The following AP2B1 variants were observed in gnomAD, a reference collection of about 807,000 sequenced individuals.
AP2B1 encodes AP-2 complex subunit beta.
A neutral mutation model predicts 102.0 loss-of-function variants in AP2B1; 23 were observed. The ratio of observed to expected loss-of-function variants is 0.23; its 90% confidence interval spans 0.16 to 0.32. The LOEUF (loss-of-function observed/expected upper bound fraction) is 0.32, where lower values mean the gene tolerates loss of function less well. AP2B1 is among the 10% of genes least tolerant of loss of function. AP2B1 has a pLI of 1.00. For missense variants in AP2B1, 541 were observed against 1,157.4 expected, an observed-to-expected ratio of 0.47 and a Z score of 7.73; for synonymous variants, 381 against 421.2, an observed-to-expected ratio of 0.90 and a Z score of 1.17.
chr17:35,718,324 G>C (rs1477003389), intron 21 of AP2B1, among the ~76,000 whole-genome samples: 8 of 103,910 alleles, frequency 7.7e-5, no homozygotes, highest in African/African-American at 2.7e-4. Flanking sequence ...GTGTGTGTGT[G>C]TGTGTGTGTG....
intron 18 of AP2B1, among the ~76,000 whole-genome samples, chr17:35,700,992 ATCT>A (rs1303826079): frequency 1.3e-5 from 2 of 152,178 alleles, no homozygotes; most frequent in East Asian, 3.8e-4. Flanking sequence ...GGGTTAGGTA[ATCT>A]TCTTGGTACC....
At chr17:35,618,406 A>T (rs190011838) in intron 5 of AP2B1, among the ~76,000 whole-genome samples, 3 of 152,370 alleles carry the variant, frequency 2.0e-5, no homozygotes, top group African/African-American at 4.8e-5. Context: ...TCAAGTCTTC[A>T]GGGATACCAG....
intron 9 of AP2B1, among the ~76,000 whole-genome samples, chr17:35,633,622 C>T (rs2074525733): frequency 6.6e-6 from 1 of 152,142 alleles, no homozygotes; most frequent in Non-Finnish European, 1.5e-5. Flanking sequence ...TATCTTCTCC[C>T]TCTTCCTCTT....
In AP2B1 at chr17:35,674,196, G is replaced by A. The variant is rs149114491; in HGVS notation, c.2199G>A (p.Lys733=). ...APKAVWLPAV[K]AKGLEISGTF... ...TTCAGGTCTGGCTACCTGCAGTAAA[G>A]GCTAAAGGCTTGGAGATTTCCGGAA... The change falls in exon 17 of 22, where the codon AAG becomes AAA. Residue 733 remains lysine, a synonymous_variant. Coordinates refer to ENST00000610402, the MANE Select transcript of AP2B1 (RefSeq NM_001030006.2). 4 of 1,613,990 alleles carry A rather than the reference G, an allele frequency of 2.5e-6. No individual in the cohort carries two copies. The African/African-American group carries it at 4.0e-5, about 16-fold the overall frequency.
intron 16 of AP2B1, among the ~76,000 whole-genome samples, chr17:35,672,699 C>T (rs2075614060): frequency 6.6e-6 from 1 of 152,138 alleles, no homozygotes; most frequent in South Asian, 2.1e-4. Flanking sequence ...TGGCACAACT[C>T]GGTAGCTTTG....
At chr17:35,714,154 CA>C (rs1369428396) in intron 20 of AP2B1, among the ~76,000 whole-genome samples, 1 of 152,162 alleles carries the variant, frequency 6.6e-6, no homozygotes, top group Non-Finnish European at 1.5e-5. Context: ...TAATGAGAGA[CA>C]AATATTTGTT....
intron 21 of AP2B1, among the ~76,000 whole-genome samples, chr17:35,720,541 T>TTTTATA (rs1175137394): frequency 3.8e-5 from 4 of 105,250 alleles, no homozygotes; most frequent in South Asian, 3.7e-4. Flanking sequence ...TATTTTTATT[T>TTTTATA]TATTTATATA....
rs779631571 is a variant in AP2B1, at chr17:35,639,656, C to T, written c.1333C>T (p.Arg445Ter). 1.2e-6 allele frequency: 2 copies of T among 1,614,022 alleles called. No homozygotes were observed. Among genetic ancestry groups the T allele is most frequent in the Non-Finnish European group, 1.7e-6 (2 of 1,179,964 alleles). ...AGACTCGCTGGATGAGCCAGATGCTCGAGCAGCTATGATTTGGATTGTGGG... is the reference window on the plus strand; with the variant it reads ...AGACTCGCTGGATGAGCCAGATGCTTGAGCAGCTATGATTTGGATTGTGGG... ...NLDSLDEPDA[R>*]AAMIWIVGEY... Residue 445 changes from arginine to a stop codon, truncating the protein, a stop_gained, in exon 11 of 22, where the codon CGA (arginine) becomes TGA (stop). Coordinates refer to ENST00000610402, the MANE Select transcript of AP2B1 (RefSeq NM_001030006.2). LOFTEE classifies it high-confidence loss of function.
chr17:35,702,826 C>T (rs1197051144), intron 18 of AP2B1, among the ~76,000 whole-genome samples: 12 of 152,124 alleles, frequency 7.9e-5, no homozygotes. Context: ...CAATGAGATA[C>T]TATCTCACAC....
chr17:35,689,400 G>A (rs587775781), intron 18 of AP2B1, among the ~76,000 whole-genome samples: 17 of 152,154 alleles, frequency 1.1e-4, no homozygotes, highest in South Asian at 2.1e-4. Flanking sequence ...GGCTGGTCTC[G>A]GATTCCTGAC....
chr17:35,669,303 CCTG>C (rs747515721), intron 14 of AP2B1, among the ~76,000 whole-genome samples: 59 of 152,042 alleles, frequency 3.9e-4, no homozygotes, highest in Non-Finnish European at 3.7e-4. Context: ...GCCACCACAG[CCTG>C]CTAATTTTTG....
In AP2B1 at chr17:35,650,808, T is replaced by C; in HGVS notation, c.1796+19T>C. The C allele has an allele frequency of 6.2e-7, 1 of 1,609,426 alleles. No individual in the cohort carries two copies. ...ATGGGAGGTAAGAAGGTGTGAACTG[T>C]CTCTGAGTGAGAAATGACTCTTGTT... is the stretch of plus-strand genomic sequence containing the variant. On this transcript the variant is annotated intron_variant, in intron 13 of 21. Transcript: ENST00000610402.
At chr17:35,706,608 A>G (rs1013855370) in intron 18 of AP2B1, among the ~76,000 whole-genome samples, 7 of 151,862 alleles carry the variant, frequency 4.6e-5, no homozygotes, top group African/African-American at 1.5e-4. Context: ...AGACCTTTAC[A>G]TGACCCACCA....
intron 4 of AP2B1, 53 bp from the exon 5 acceptor site, chr17:35,608,089 T>C: frequency 6.2e-7 from 1 of 1,602,078 alleles, no homozygotes; most frequent in Non-Finnish European, 8.5e-7. Flanking sequence ...AACTGGACTG[T>C]TTACTTTTAG....
intron 20 of AP2B1, among the ~76,000 whole-genome samples, chr17:35,713,091 C>T (rs1190973361): frequency 6.6e-6 from 1 of 152,176 alleles, no homozygotes; most frequent in East Asian, 1.9e-4. Context: ...CTTATTGCAC[C>T]TCGGCATGTT....
At chr17:35,708,963 A>T (rs1449562712) in intron 18 of AP2B1, among the ~76,000 whole-genome samples, 2 of 152,154 alleles carry the variant, frequency 1.3e-5, no homozygotes, top group Admixed American at 6.6e-5. Flanking sequence ...CACAGACTAG[A>T]TTATTCCTGG....
At chr17:35,636,766 C>G (rs954661888) in intron 10 of AP2B1, among the ~76,000 whole-genome samples, 1 of 152,154 alleles carries the variant, frequency 6.6e-6, no homozygotes, top group East Asian at 1.9e-4. Flanking sequence ...CTAGGTTGTT[C>G]AGGCATAATC....
chr17:35,644,104 G>C (rs760178979), intron 12 of AP2B1, among the ~76,000 whole-genome samples: 1 of 152,134 alleles, frequency 6.6e-6, no homozygotes, highest in Non-Finnish European at 1.5e-5. Context: ...GTTAGTAAAC[G>C]ATTTCTATTT....
chr17:35,689,080 A>G (rs1220577476), intron 18 of AP2B1, among the ~76,000 whole-genome samples: 1 of 152,360 alleles, frequency 6.6e-6, no homozygotes, highest in African/African-American at 2.4e-5. Flanking sequence ...ATAATTATCC[A>G]TGGTTAATAT....
Sources: gnomAD v4.1 joint callset for allele counts (sites outside exome capture counted in the v4.1 genomes callset) on GRCh38, gnomAD v4.1.1 for gene constraint, MANE v1.5 for transcripts, NCBI Gene and HGNC (gene_info 2026-07-23, HGNC 2026-07-21) for gene names.